MIOS: variants seen among roughly 807,000 people sequenced by gnomAD.
The protein encoded by MIOS is GATOR2 complex protein MIOS.
Under a neutral mutation model 96.9 loss-of-function variants are expected in MIOS, and 52 were observed. The ratio of observed to expected loss-of-function variants is 0.54; its 90% CI spans 0.43 to 0.68. The LOEUF (loss-of-function observed/expected upper bound fraction) is 0.68. MIOS is among the 30% of genes least tolerant of loss of function. The probability of loss-of-function intolerance (pLI) is 0.00; values close to 1 mark genes in which losing one functional copy is unlikely to be tolerated. For missense variants in MIOS, 1,005 were observed against 1,052.8 expected, an observed-to-expected ratio of 0.95 and a Z score of 0.63; for synonymous variants, 397 against 359.5, an observed-to-expected ratio of 1.10 and a Z score of -1.18.
chr7:7,588,924 C>T (rs6972842), intron 8 of MIOS, among the ~76,000 whole-genome samples: 29,024 of 152,030 alleles, frequency 0.19, 2,950 homozygotes, highest in East Asian at 0.29. Flanking sequence ...TGTAAACAAC[C>T]AGTAATACTA....
chr7:7,595,516 T>C (rs1784178813), intron 10 of MIOS, among the ~76,000 whole-genome samples: 1 of 152,262 alleles, frequency 6.6e-6, no homozygotes, highest in African/African-American at 2.4e-5. Context: ...TCTATATGTT[T>C]AATTACACAT....
intron 11 of MIOS, among the ~76,000 whole-genome samples, chr7:7,597,469 T>TATATATATAA (rs1491380696): frequency 5.9e-3 from 13 of 2,218 alleles, no homozygotes; most frequent in African/African-American, 0.012. Context: ...CTAGTAAATT[T>TATATATATAA]ATATATATAT....
At chr7:7,577,301 A>G (rs1025886218) in intron 5 of MIOS, among the ~76,000 whole-genome samples, 3 of 152,310 alleles carry the variant, frequency 2.0e-5, no homozygotes, top group East Asian at 1.9e-4. Flanking sequence ...AAAAGGACTC[A>G]CTGAATTTAG....
chr7:7,595,806 A>G (rs111536112), intron 10 of MIOS, among the ~76,000 whole-genome samples: 4 of 152,198 alleles, frequency 2.6e-5, no homozygotes, highest in African/African-American at 9.6e-5. Flanking sequence ...AACAGCTTCT[A>G]TTGCTATTAT....
At chr7:7,604,221 TA>T (rs940973512) in intron 11 of MIOS, among the ~76,000 whole-genome samples, 1 of 151,194 alleles carries the variant, frequency 6.6e-6, no homozygotes, top group Non-Finnish European at 1.5e-5. Flanking sequence ...TAATAAAATT[TA>T]AAAAAAAATA....
chr7:7,600,175 T>TA lies in MIOS; in HGVS notation c.2401+3722dup, dbSNP rs1418000238. Among the ~76,000 whole-genome samples the TA allele has an allele frequency of 6.1e-5, 8 of 131,940 alleles. No homozygotes were observed. In the East Asian group the frequency reaches 1.1e-3, roughly 18 times the overall value. The allele number at this position is 131,940 out of a possible 152,430, so 86.6% of individuals were successfully genotyped here. A position where few individuals can be genotyped will look rare whatever the true frequency, so the allele number is the denominator to read the frequency against. ...TACCCCTGAAACTAAAGTAAAAGTT[T>TA]AAAAAAAAGAAAAAGAAGCAAATTA... On this transcript the variant is annotated intron_variant, in intron 11 of 12. Transcript: ENST00000340080.
At chr7:7,596,564 T>C in intron 11 of MIOS, 103 bp downstream of exon 11, 1 of 1,160,748 alleles carries the variant, frequency 8.6e-7, no homozygotes, top group South Asian at 1.4e-5. Context: ...TTATTATTTC[T>C]AAGAAAGGGC....
intron 5 of MIOS, chr7:7,582,589 A>G (rs1400092168): frequency 9.4e-6 from 9 of 956,108 alleles, no homozygotes; most frequent in Non-Finnish European, 1.1e-5. Context: ...TTAAACTTTC[A>G]AAGTACTTTG....
intron 9 of MIOS, among the ~76,000 whole-genome samples, chr7:7,590,548 T>G (rs1352717501): frequency 1.3e-5 from 2 of 152,214 alleles, no homozygotes; most frequent in African/African-American, 4.8e-5. Context: ...ATTGGAGTGT[T>G]TCCTTCATTT....
intron 11 of MIOS, among the ~76,000 whole-genome samples, chr7:7,599,799 A>T (rs896140781): frequency 2.0e-5 from 3 of 152,332 alleles, no homozygotes; most frequent in East Asian, 3.9e-4. Context: ...ATCAACTTCA[A>T]TGCCCATCAG....
At chr7:7,601,553 C>G (rs985536296) in intron 11 of MIOS, among the ~76,000 whole-genome samples, 1 of 152,148 alleles carries the variant, frequency 6.6e-6, no homozygotes, top group African/African-American at 2.4e-5. Flanking sequence ...AGACCAATAA[C>G]AGGATCTGAA....
chr7:7,567,192 G>A (rs1026563280), intron 1 of MIOS, 120 bp downstream of exon 1: 3 of 152,210 alleles, frequency 2.0e-5, no homozygotes, highest in Non-Finnish European at 4.4e-5. Flanking sequence ...GTTCCGCGCT[G>A]TAGGGTAATC....
chr7:7,593,287 C>A (rs188120499), intron 9 of MIOS, among the ~76,000 whole-genome samples: 223 of 152,252 alleles, frequency 1.5e-3, no homozygotes, highest in Non-Finnish European at 2.6e-3. Flanking sequence ...ATGTGTTTCA[C>A]ATGTTCTTTT....
intron 11 of MIOS, among the ~76,000 whole-genome samples, chr7:7,601,887 C>T (rs1026161514): frequency 1.3e-5 from 2 of 152,172 alleles, no homozygotes; most frequent in African/African-American, 4.8e-5. Flanking sequence ...ATCAAGTGGG[C>T]TTCATCCCTG....
chr7:7,596,947 C>T (rs960405859), intron 11 of MIOS, among the ~76,000 whole-genome samples: 1 of 152,118 alleles, frequency 6.6e-6, no homozygotes, highest in Admixed American at 6.6e-5. Context: ...GTAATCCCAG[C>T]TCTTTGAGAG....
intron 7 of MIOS, among the ~76,000 whole-genome samples, chr7:7,587,554 T>C (rs1783927833): frequency 1.3e-5 from 2 of 152,170 alleles, no homozygotes; most frequent in South Asian, 4.1e-4. Context: ...CCATAGCCAT[T>C]CAGTTAATTT....
intron 3 of MIOS, among the ~76,000 whole-genome samples, chr7:7,570,976 T>G (rs572957564): frequency 2.0e-5 from 3 of 152,322 alleles, no homozygotes; most frequent in African/African-American, 7.2e-5. Context: ...AATTCCCAAC[T>G]GAAACTTTTG....
At chr7:7,569,816 C>G (rs879637024) in intron 3 of MIOS, among the ~76,000 whole-genome samples, 1 of 152,102 alleles carries the variant, frequency 6.6e-6, no homozygotes, top group Non-Finnish European at 1.5e-5. Flanking sequence ...GCCCAGAAGA[C>G]AGGGAACTGT....
chr7:7,591,919 A>G (rs985420248), intron 9 of MIOS, among the ~76,000 whole-genome samples: 3 of 151,864 alleles, frequency 2.0e-5, no homozygotes, highest in Admixed American at 6.6e-5. Context: ...TAGTGTTCGT[A>G]GGTGCCTGAG....
Sources: allele counts gnomAD v4.1 joint callset (sites outside exome capture counted in the v4.1 genomes callset), GRCh38; gene constraint gnomAD v4.1.1; transcripts MANE v1.5; gene names NCBI Gene and HGNC (gene_info 2026-07-23, HGNC 2026-07-21).